Variants in SVEP1 observed in about 807,000 individuals in gnomAD.
SVEP1 encodes the protein sushi, von Willebrand factor type A, EGF and pentraxin domain containing 1.
A neutral mutation model predicts 367.3 loss-of-function variants in SVEP1; 164 were observed. The ratio of observed to expected loss-of-function variants is 0.45; its 90% confidence interval spans 0.39 to 0.51. The LOEUF (loss-of-function observed/expected upper bound fraction) is 0.51. Among genes scored for constraint, SVEP1 ranks in the 20% least tolerant of loss-of-function variants. The pLI is 0.00. For synonymous variants in SVEP1, 1,666 were observed against 1,611.6 expected (o/e 1.03, Z -0.81); for missense variants, 4,117 against 4,425.3 (o/e 0.93, Z 1.98).
intron 13 of SVEP1, among the ~76,000 whole-genome samples, chr9:110,477,184 C>T (rs562855089): frequency 2.2e-4 from 34 of 152,256 alleles, no homozygotes; most frequent in African/African-American, 7.9e-4. Flanking sequence ...GAAACTGCAC[C>T]TTCTCCTCTT....
At chr9:110,568,849 C>G (rs1489267563) in intron 1 of SVEP1, among the ~76,000 whole-genome samples, 1 of 152,184 alleles carries the variant, frequency 6.6e-6, no homozygotes, top group East Asian at 1.9e-4. Context: ...CCTATAATCC[C>G]AGCACTTTGG....
chr9:110,568,903 C>G (rs939970897), intron 1 of SVEP1, among the ~76,000 whole-genome samples: 9 of 151,958 alleles, frequency 5.9e-5, no homozygotes, highest in Non-Finnish European at 5.9e-5. Context: ...AGTTCAAGAC[C>G]AGCCTGGGCA....
Position 110,375,464 on chromosome 9 carries a change from C to CAAAA in SVEP1, c.10505-2_10505-1insTTTT, listed in dbSNP as rs1383978514. 3 of 399,048 alleles carry CAAAA rather than the reference C, an allele frequency of 7.5e-6. No individual in the cohort carries two copies. The highest frequency in any genetic ancestry group is 6.8e-6 in the Non-Finnish European group (2 of 294,580). 24.7% of individuals were successfully genotyped at this position (399,048 alleles called of 1,614,324 possible). A position where few individuals can be genotyped will look rare whatever the true frequency, so the allele number is the denominator to read the frequency against. On this transcript the variant is annotated splice_acceptor_variant, in intron 45 of 47. Transcript: ENST00000374469. LOFTEE classifies it high-confidence loss of function. The stretch of plus-strand genomic sequence containing the variant: ...TTCAGACAGGGAAGAATGCAGATTG[C>CAAAA]TAAAAAAAAAAAAAAAAAAAAAAAA...
In SVEP1 at chr9:110,514,068, C is replaced by T; in HGVS notation, c.1003G>A (p.Gly335Arg). 1 of 1,611,122 alleles carries T rather than the reference C, an allele frequency of 6.2e-7. No individual in the cohort carries two copies. The highest frequency in any genetic ancestry group is 8.5e-7 in the Non-Finnish European group (1 of 1,178,602). The change falls in exon 4 of 48, where the codon GGA becomes AGA. Residue 335 changes from glycine (G) to arginine (R), a missense_variant. Physicochemically the swap from Gly to Arg is moderately radical, Grantham distance 125. Coordinates refer to ENST00000374469, the MANE Select transcript of SVEP1 (RefSeq NM_153366.4). ...SGTYKPEGSPGGISSCIPCPD... is the reference protein window; with the variant it reads ...SGTYKPEGSPRGISSCIPCPD... Reference sequence around the variant, plus strand: ...CATGGAATGCAACTGCTGATTCCTCCTGGTGAGCCTTCAGGTTTGTATGTC... The same window carrying T: ...CATGGAATGCAACTGCTGATTCCTCTTGGTGAGCCTTCAGGTTTGTATGTC...
chr9:110,438,955 C>T (rs996082433), intron 27 of SVEP1, among the ~76,000 whole-genome samples: 2 of 152,128 alleles, frequency 1.3e-5, no homozygotes, highest in Non-Finnish European at 2.9e-5. Flanking sequence ...CTCAGTATGT[C>T]GAAAACCATA....
chr9:110,491,451 C>T (rs1829364421), intron 8 of SVEP1, among the ~76,000 whole-genome samples: 2 of 151,720 alleles, frequency 1.3e-5, no homozygotes, highest in Admixed American at 6.6e-5. Flanking sequence ...TTATATTTTC[C>T]TTTAAGGTGC....
chr9:110,539,406 AT>A (rs1365673045), intron 3 of SVEP1, among the ~76,000 whole-genome samples: 2 of 152,206 alleles, frequency 1.3e-5, no homozygotes, highest in East Asian at 3.9e-4. Flanking sequence ...CCTGAACTTT[AT>A]TGTATGAGTG....
chr9:110,373,789 A>G (rs1229211663), intron 46 of SVEP1, among the ~76,000 whole-genome samples: 1 of 152,150 alleles, frequency 6.6e-6, no homozygotes, highest in Non-Finnish European at 1.5e-5. Flanking sequence ...CAAGTGGCGT[A>G]TAATCTAGTG....
chr9:110,565,795 T>A (rs532130129), intron 1 of SVEP1, among the ~76,000 whole-genome samples: 2 of 152,052 alleles, frequency 1.3e-5, no homozygotes, highest in East Asian at 3.9e-4. Flanking sequence ...TTCTGCCTCC[T>A]GACTTTGCAA....
Position 110,366,462 on chromosome 9 carries a change from CA to C in SVEP1, c.*76del. On this transcript the variant is annotated 3_prime_UTR_variant, in exon 48 of 48. Coordinates refer to ENST00000374469, the MANE Select transcript of SVEP1 (RefSeq NM_153366.4). ...CCAGCACCATGTTGGACTTTCTTTG[CA>C]TAAGTTCCAGGATGCCCAGGCACTA... 7.1e-7 allele frequency: 1 copy of C among 1,411,672 alleles called. No individual in the cohort carries two copies. Among genetic ancestry groups the C allele is most frequent in the Non-Finnish European group, 9.3e-7 (1 of 1,070,100 alleles). The allele number at this position is 1,411,672 out of a possible 1,614,324, so 87.4% of individuals were successfully genotyped here.
At chr9:110,432,371 A>G in intron 31 of SVEP1, 91 bp downstream of exon 31, 1 of 1,464,374 alleles carries the variant, frequency 6.8e-7, no homozygotes, top group South Asian at 1.4e-5. Flanking sequence ...AAGTTAACAA[A>G]GCAATGCCTC....
intron 27 of SVEP1, among the ~76,000 whole-genome samples, chr9:110,439,870 G>A (rs1461777414): frequency 6.6e-6 from 1 of 152,130 alleles, no homozygotes; most frequent in African/African-American, 2.4e-5. Context: ...GGTGGTTACT[G>A]TAAGAGTTTC....
At chr9:110,555,424 T>A (rs866661023) in intron 1 of SVEP1, among the ~76,000 whole-genome samples, 5 of 152,190 alleles carry the variant, frequency 3.3e-5, no homozygotes, top group Non-Finnish European at 7.3e-5. Flanking sequence ...TGCACGTGTG[T>A]ATGTTTTGTA....
intron 8 of SVEP1, among the ~76,000 whole-genome samples, chr9:110,495,219 T>C (rs560336496): frequency 6.6e-6 from 1 of 152,204 alleles, no homozygotes; most frequent in Admixed American, 6.5e-5. Flanking sequence ...TCTTCCCCCA[T>C]GTAGTAGGCT....
chr9:110,438,747 C>T lies in SVEP1; in HGVS notation c.4640-2243G>A, dbSNP rs187408139. On this transcript the variant is annotated intron_variant, in intron 27 of 47. Transcript: ENST00000374469. The stretch of plus-strand genomic sequence containing the variant: ...AAGAATTTCTCTAAGGCTTTTGATA[C>T]GAGTTTCTAAATTGTTTCCCAGAAA... Among the ~76,000 whole-genome samples, 36 of 152,178 alleles carry T rather than the reference C, an allele frequency of 2.4e-4. 1 individual carries two copies. In the East Asian group the frequency reaches 6.2e-3, roughly 26 times the overall value.
intron 15 of SVEP1, 50 bp from the exon 16 acceptor site, chr9:110,471,647 A>G: frequency 7.2e-7 from 1 of 1,382,270 alleles, no homozygotes; most frequent in Non-Finnish European, 1.0e-6. Context: ...GTGTTTCAGA[A>G]AGTCATTTGT....
chr9:110,537,779 T>C (rs1830095865), intron 3 of SVEP1, among the ~76,000 whole-genome samples: 1 of 151,950 alleles, frequency 6.6e-6, no homozygotes, highest in South Asian at 2.1e-4. Flanking sequence ...TACCATCTTT[T>C]AAAGTCCTGC....
At position 110,472,296 on chromosome 9, in the gene SVEP1, C is replaced by CTATTAGCT; in HGVS notation, c.2619_2626dup (p.Arg876LysfsTer44). On this transcript the variant is annotated frameshift_variant, in exon 15 of 48. Coordinates refer to ENST00000374469, the MANE Select transcript of SVEP1 (RefSeq NM_153366.4). LOFTEE classifies it high-confidence loss of function. ...GAAGTCATCGTAAGAGTAATCCAGC[C>CTATTAGCT]TATTAGCTGCACCCCAGCCACCTGG... is the stretch of plus-strand genomic sequence containing the variant. 1 of 1,601,678 alleles carries CTATTAGCT rather than the reference C, an allele frequency of 6.2e-7. No homozygotes were observed. The highest frequency in any genetic ancestry group is 8.5e-7 in the Non-Finnish European group (1 of 1,176,358).
chr9:110,520,586 G>A lies in SVEP1; in HGVS notation c.965-6480C>T, dbSNP rs1829863930. ...CAGCTGACCATGCAATTCTTTGACT[G>A]AAGTAAATAAAAACACCAACCAGTT... On this transcript the variant is annotated intron_variant, in intron 3 of 47. Transcript: ENST00000374469. Among the ~76,000 whole-genome samples the A allele has an allele frequency of 2.0e-5, 3 of 152,124 alleles. No homozygotes were observed. The South Asian group carries it at 6.2e-4, about 31-fold the overall frequency.
Sources: allele counts gnomAD v4.1 joint callset (sites outside exome capture counted in the v4.1 genomes callset), GRCh38; gene constraint gnomAD v4.1.1; transcripts MANE v1.5; gene names NCBI Gene and HGNC (gene_info 2026-07-23, HGNC 2026-07-21).